Variants in ALPL observed in about 807,000 individuals in gnomAD.
The protein encoded by ALPL is alkaline phosphatase, tissue-nonspecific isozyme.
A neutral mutation model predicts 51.3 loss-of-function variants in ALPL; 42 were observed. The observed-to-expected ratio is 0.82, with a 90% CI of 0.64 to 1.06. The LOEUF is 1.06. Among genes scored for constraint, ALPL ranks in the 50% least tolerant of loss-of-function variants. ALPL has a pLI of 0.00. For missense variants in ALPL, 589 were observed against 709.4 expected (o/e 0.83, Z 1.93); for synonymous variants, 279 against 296.4 (o/e 0.94, Z 0.60).
intron 1 of ALPL, among the ~76,000 whole-genome samples, chr1:21,512,523 G>A (rs988858099): frequency 2.0e-5 from 3 of 152,108 alleles, no homozygotes; most frequent in Admixed American, 1.3e-4. Context: ...GGAAGTCCAC[G>A]TTTAGGTCAC....
At chr1:21,519,749 A>G (rs1315966769) in intron 1 of ALPL, among the ~76,000 whole-genome samples, 2 of 152,230 alleles carry the variant, frequency 1.3e-5, no homozygotes, top group Admixed American at 6.5e-5. Context: ...GTGAGCAGAG[A>G]TCGTGCCACT....
In ALPL at chr1:21,575,833, C is replaced by T. The variant is rs1400758804; in HGVS notation, c.1098C>T (p.Thr366=). ...CCATCGGGCAGGCAGGCAGCTTGAC[C>T]TCCTCGGAAGACACTCTGACCGTGG... The part of the protein sequence containing the change: ...DRAIGQAGSL[T]SSEDTLTVVT... Residue 366 remains threonine (T), a synonymous_variant, in exon 10 of 12, where the codon ACC becomes ACT. Transcript: ENST00000374840. 6.2e-7 allele frequency: 1 copy of T among 1,614,224 alleles called. No individual in the cohort carries two copies. Among genetic ancestry groups the T allele is most frequent in the Non-Finnish European group, 8.5e-7 (1 of 1,180,040 alleles).
At position 21,575,620 on chromosome 1, in the gene ALPL, G is replaced by C. The variant is rs764650717; in HGVS notation, c.998-113G>C. The stretch of plus-strand genomic sequence containing the variant: ...TAGCTCAGAGTGGTGCCCGGCGAAG[G>C]TTCCTGTCCTTCCCTAGCTAACAAA... On this transcript the variant is annotated intron_variant, in intron 9 of 11. Transcript: ENST00000374840. 32 of 1,337,594 alleles carry C rather than the reference G, an allele frequency of 2.4e-5. No individual in the cohort carries two copies. In the African/African-American group the frequency reaches 3.9e-4, roughly 16 times the overall value. 82.9% of individuals were successfully genotyped at this position (1,337,594 alleles called of 1,614,324 possible). A position where few individuals can be genotyped will look rare whatever the true frequency, so the allele number is the denominator to read the frequency against.
intron 3 of ALPL, 25 bp downstream of exon 3, chr1:21,560,770 G>A: frequency 6.2e-7 from 1 of 1,613,848 alleles, no homozygotes; most frequent in South Asian, 1.1e-5. Flanking sequence ...CCTGTGGGAG[G>A]GGTGGAACAG....
intron 1 of ALPL, among the ~76,000 whole-genome samples, chr1:21,530,727 G>A (rs991548642): frequency 4.6e-5 from 7 of 151,980 alleles, no homozygotes; most frequent in Admixed American, 1.3e-4. Context: ...AGTGACTGTC[G>A]GTCCCCTCCC....
chr1:21,559,138 C>T (rs150797532), intron 2 of ALPL, among the ~76,000 whole-genome samples: 29 of 152,296 alleles, frequency 1.9e-4, no homozygotes, highest in Middle Eastern at 3.4e-3. Context: ...ACATGCTACA[C>T]GGCCTTGGAC....
At chr1:21,545,289 TTTTG>T (rs1644239442) in intron 1 of ALPL, among the ~76,000 whole-genome samples, 1 of 151,906 alleles carries the variant, frequency 6.6e-6, no homozygotes, top group Non-Finnish European at 1.5e-5. Flanking sequence ...TTGTTTTTGT[TTTTG>T]TTTTTGTTTT....
intron 2 of ALPL, among the ~76,000 whole-genome samples, chr1:21,557,041 C>G (rs1465708349): frequency 6.6e-6 from 1 of 152,154 alleles, no homozygotes; most frequent in African/African-American, 2.4e-5. Context: ...GTTTTAGATT[C>G]CCTCATCAAT....
chr1:21,577,328 T>C (rs1001385740), intron 11 of ALPL, 55 bp from the exon 12 acceptor site: 16 of 1,611,890 alleles, frequency 9.9e-6, no homozygotes, highest in Middle Eastern at 1.7e-4. Context: ...AAAAGCTGCG[T>C]GCGCAGCGCC....
intron 1 of ALPL, among the ~76,000 whole-genome samples, chr1:21,517,263 T>C (rs116749738): frequency 0.012 from 1,809 of 152,338 alleles, 42 homozygotes; most frequent in African/African-American, 0.041. Context: ...CTAATCACTT[T>C]GAATGACCTT....
intron 1 of ALPL, among the ~76,000 whole-genome samples, chr1:21,543,122 A>G (rs1262076553): frequency 1.3e-5 from 2 of 152,180 alleles, no homozygotes; most frequent in East Asian, 3.9e-4. Flanking sequence ...CCTGGGCGAC[A>G]GAGTAAGACC....
intron 8 of ALPL, among the ~76,000 whole-genome samples, 178 bp downstream of exon 8, chr1:21,570,552 A>G (rs571611129): frequency 6.6e-6 from 1 of 152,300 alleles, no homozygotes; most frequent in Admixed American, 6.5e-5. Flanking sequence ...ATTAGGCCTG[A>G]AATCTGCTGG....
At position 21,577,920 on chromosome 1, in the gene ALPL, T is replaced by G. The variant is rs527314874; in HGVS notation, c.*272T>G. The G allele has an allele frequency of 1.7e-6, 1 of 574,802 alleles. No homozygotes were observed. Among genetic ancestry groups the G allele is most frequent in the East Asian group, 2.8e-5 (1 of 35,152 alleles). 35.6% of individuals were successfully genotyped at this position (574,802 alleles called of 1,614,324 possible). Reference sequence around the variant, plus strand: ...TCTTGGGCAGGCAGAGAGTACAGACTGCAGACATTCTCAAAGCCTCTTATT... The same window carrying G: ...TCTTGGGCAGGCAGAGAGTACAGACGGCAGACATTCTCAAAGCCTCTTATT... On this transcript the variant is annotated 3_prime_UTR_variant, in exon 12 of 12. Coordinates refer to ENST00000374840, the MANE Select transcript of ALPL (RefSeq NM_000478.6).
chr1:21,576,012 C>T (rs1644726863), intron 10 of ALPL, 88 bp downstream of exon 10: 1 of 1,497,548 alleles, frequency 6.7e-7, no homozygotes, highest in Admixed American at 1.7e-5. Context: ...CCAGCAAGCC[C>T]AGAGCATGGT....
chr1:21,512,888 G>T (rs1186507390), intron 1 of ALPL, among the ~76,000 whole-genome samples: 1 of 152,110 alleles, frequency 6.6e-6, no homozygotes, highest in Admixed American at 6.6e-5. Flanking sequence ...AGAGTAGGGG[G>T]TTAGGGAGGA....
Position 21,575,861 on chromosome 1 carries a change from A to G in ALPL, c.1126A>G (p.Thr376Ala). 4.3e-6 allele frequency: 7 copies of G among 1,614,214 alleles called. No homozygotes were observed. Among genetic ancestry groups the G allele is most frequent in the Non-Finnish European group, 5.9e-6 (7 of 1,180,046 alleles). ...CTCGGAAGACACTCTGACCGTGGTC[A>G]CTGCGGACCATTCCCACGTCTTCAC... Reference protein sequence around the residue: ...TSSEDTLTVVTADHSHVFTFG... With the variant: ...TSSEDTLTVVAADHSHVFTFG... The change falls in exon 10 of 12, where the codon ACT becomes GCT. Residue 376 changes from threonine (T) to alanine (A), a missense_variant. Physicochemically the swap from Thr to Ala is moderately conservative, Grantham distance 58 (BLOSUM62 0). Coordinates refer to ENST00000374840, the MANE Select transcript of ALPL (RefSeq NM_000478.6).
intron 1 of ALPL, among the ~76,000 whole-genome samples, chr1:21,520,536 T>C (rs1643873253): frequency 6.7e-6 from 1 of 149,670 alleles, no homozygotes; most frequent in African/African-American, 2.5e-5. Context: ...GGCTTGATCT[T>C]GGCTCACTGC....
chr1:21,520,470 T>C (rs2148065315), intron 1 of ALPL, among the ~76,000 whole-genome samples: 1 of 144,902 alleles, frequency 6.9e-6, no homozygotes, highest in Admixed American at 6.8e-5. Context: ...TTTTCTCTTT[T>C]TTTTTTTTTT....
chr1:21,513,811 G>A (rs1358505716), intron 1 of ALPL, among the ~76,000 whole-genome samples: 1 of 152,214 alleles, frequency 6.6e-6, no homozygotes, highest in Non-Finnish European at 1.5e-5. Context: ...ATCAGAAGAT[G>A]TGGCCATATG....
Sources: allele counts gnomAD v4.1 joint callset (sites outside exome capture counted in the v4.1 genomes callset), GRCh38; gene constraint gnomAD v4.1.1; transcripts MANE v1.5; gene names NCBI Gene and HGNC (gene_info 2026-07-23, HGNC 2026-07-21).